The following POGK variants were observed in gnomAD, a reference collection of about 807,000 sequenced individuals.
POGK encodes pogo transposable element with KRAB domain.
A neutral mutation model predicts 54.4 loss-of-function variants in POGK; 16 were observed. The observed-to-expected ratio is 0.29, with a 90% CI of 0.20 to 0.45. The LOEUF (loss-of-function observed/expected upper bound fraction) is 0.45, where lower values mean the gene tolerates loss of function less well. Among genes scored for constraint, POGK ranks in the 20% least tolerant of loss-of-function variants. The probability of loss-of-function intolerance (pLI) is 1.00; values close to 1 mark genes in which losing one functional copy is unlikely to be tolerated. For synonymous variants in POGK, 271 were observed against 302.2 expected (o/e 0.90, Z 1.07); for missense variants, 515 against 795.6 (o/e 0.65, Z 4.24).
Position 166,855,473 on chromosome 1 carries a change from G to A in POGK, c.*2903G>A, listed in dbSNP as rs941306442. On this transcript the variant is annotated 3_prime_UTR_variant, in exon 6 of 6. Transcript: ENST00000367876. ...GGTGGACAGAGTTCAGATGTTTCAG[G>A]GGCTCTTGTGAAAATGCTAAGTATT... 3.9e-5 allele frequency: 6 copies of A among 152,134 alleles called. No individual in the cohort carries two copies. Among genetic ancestry groups the A allele is most frequent in the African/African-American group, 1.2e-4 (5 of 41,414 alleles). The allele number at this position is 152,134 out of a possible 1,614,324, so 9.4% of individuals were successfully genotyped here.
chr1:166,848,781 T>C (rs981794741), intron 4 of POGK, among the ~76,000 whole-genome samples, 157 bp from the exon 5 acceptor site: 2 of 152,190 alleles, frequency 1.3e-5, no homozygotes, highest in Non-Finnish European at 2.9e-5. Context: ...TAAATTGGCA[T>C]ATGGAAAAGG....
chr1:166,840,997 A>G lies in POGK; in HGVS notation c.41A>G (p.Glu14Gly), dbSNP rs1211366303. The change falls in exon 2 of 6, where the codon GAA becomes GGA. Residue 14 changes from glutamate (E) to glycine (G), a missense_variant. Coordinates refer to ENST00000367876, the MANE Select transcript of POGK (RefSeq NM_017542.5). ...TAYPLNLSLKEEEEEEEIQSR... is the reference protein window; with the variant it reads ...TAYPLNLSLKGEEEEEEIQSR... ...TACCCTCTCAATTTGAGCCTGAAAG[A>G]AGAGGAAGAGGAAGAAGAGATTCAG... 1 of 1,614,044 alleles carries G rather than the reference A, an allele frequency of 6.2e-7. No individual in the cohort carries two copies. Among genetic ancestry groups the G allele is most frequent in the Non-Finnish European group, 8.5e-7 (1 of 1,179,950 alleles).
chr1:166,850,007 T>C lies in POGK; in HGVS notation c.1428T>C (p.His476=), dbSNP rs1380986559. 1 of 1,614,162 alleles carries C rather than the reference T, an allele frequency of 6.2e-7. No homozygotes were observed. Among genetic ancestry groups the C allele is most frequent in the South Asian group, 1.1e-5 (1 of 91,086 alleles). Residue 476 remains histidine (H), a synonymous_variant, in exon 5 of 6, where the codon CAT becomes CAC. Transcript: ENST00000367876. ...TGATCTTGAATGGCTTCCGGGGCCA[T>C]GCCACAGATTCCGTGAAGAACTCCA... is the stretch of plus-strand genomic sequence containing the variant. ...GMLILNGFRG[H]ATDSVKNSME...
At position 166,850,638 on chromosome 1, in the gene POGK, A is replaced by T. The variant is rs1027651156; in HGVS notation, c.*14+215A>T. 31 of 502,012 alleles carry T rather than the reference A, an allele frequency of 6.2e-5. No individual in the cohort carries two copies. The East Asian group carries it at 9.6e-4, about 16-fold the overall frequency. The allele number at this position is 502,012 out of a possible 1,614,324, so 31.1% of individuals were successfully genotyped here. A position where few individuals can be genotyped will look rare whatever the true frequency, so the allele number is the denominator to read the frequency against. On this transcript the variant is annotated intron_variant, in intron 5 of 5. Transcript: ENST00000367876. ...GCAGGAGGTGAGCGGCAGGTGAGCAAGCATTACCACCTGAGCTCCGCCCGC... is the reference window on the plus strand; with the variant it reads ...GCAGGAGGTGAGCGGCAGGTGAGCATGCATTACCACCTGAGCTCCGCCCGC...
intron 1 of POGK, 39 bp from the exon 2 acceptor site, chr1:166,840,916 G>A: frequency 6.2e-7 from 1 of 1,611,474 alleles, no homozygotes; most frequent in Non-Finnish European, 8.5e-7. Flanking sequence ...GGAGGTCACA[G>A]TGACACCTGG....
At position 166,846,697 on chromosome 1, in the gene POGK, G is replaced by T; in HGVS notation, c.218G>T (p.Arg73Leu). 6.2e-7 allele frequency: 1 copy of T among 1,614,152 alleles called. No individual in the cohort carries two copies. Among genetic ancestry groups the T allele is most frequent in the Non-Finnish European group, 8.5e-7 (1 of 1,180,020 alleles). Residue 73 changes from arginine to leucine, a missense_variant, in exon 3 of 6, where the codon CGG becomes CTG. This residue lies in a region of POGK where 461 missense variants were observed against 743.5 expected (regional missense o/e 0.62). Coordinates refer to ENST00000367876, the MANE Select transcript of POGK (RefSeq NM_017542.5). Reference protein sequence around the residue: ...VLTEQQKALYREVMRMNYETV... With the variant: ...VLTEQQKALYLEVMRMNYETV... ...ACGGAGCAACAAAAGGCCCTCTACC[G>T]GGAAGTCATGAGGATGAATTATGAA...
chr1:166,845,533 G>A (rs969656731), intron 2 of POGK, among the ~76,000 whole-genome samples: 2 of 152,138 alleles, frequency 1.3e-5, no homozygotes, highest in Admixed American at 1.3e-4. Flanking sequence ...ATGTATGTAA[G>A]TGACTGTTGG....
rs1380619593 is a variant in POGK, at chr1:166,853,142, G to C, written c.*572G>C. The C allele has an allele frequency of 6.6e-6, 1 of 152,646 alleles. No individual in the cohort carries two copies. Among genetic ancestry groups the C allele is most frequent in the African/African-American group, 2.4e-5 (1 of 41,456 alleles). 9.5% of individuals were successfully genotyped at this position (152,646 alleles called of 1,614,324 possible). A position where few individuals can be genotyped will look rare whatever the true frequency, so the allele number is the denominator to read the frequency against. On this transcript the variant is annotated 3_prime_UTR_variant, in exon 6 of 6. Transcript: ENST00000367876. ...CACATTTCCTCTTTTGGAAAAATGA[G>C]ATACTTAGAATAACAAGAAAATTAA...
chr1:166,840,467 AC>A (rs1279251191), intron 1 of POGK: 4 of 153,358 alleles, frequency 2.6e-5, no homozygotes, highest in African/African-American at 9.6e-5. Flanking sequence ...TACTGAGCCA[AC>A]CGCTCCGCCC....
At chr1:166,848,496 T>C (rs1176879743) in intron 4 of POGK, among the ~76,000 whole-genome samples, 1 of 152,254 alleles carries the variant, frequency 6.6e-6, no homozygotes, top group African/African-American at 2.4e-5. Context: ...TAAAGGGATA[T>C]GATTCAGGCC....
Position 166,850,268 on chromosome 1 carries a change from C to T in POGK, c.1689C>T (p.Ile563=), listed in dbSNP as rs752062847. The T allele has an allele frequency of 3.6e-5, 56 of 1,573,948 alleles. No individual in the cohort carries two copies. Among genetic ancestry groups the T allele is most frequent in the South Asian group, 4.6e-5 (4 of 86,328 alleles). The change falls in exon 5 of 6, where the codon ATC becomes ATT. Residue 563 remains isoleucine, a synonymous_variant. Transcript: ENST00000367876. ...VAWNSISSES[I]VQGFKKCHIS... ...GGAATAGCATCTCAAGTGAGTCCAT[C>T]GTCCAAGGGTTCAAGAAGTGCCATA...
chr1:166,846,949 C>G (rs550204892), intron 3 of POGK, among the ~76,000 whole-genome samples: 2 of 152,270 alleles, frequency 1.3e-5, no homozygotes, highest in South Asian at 2.1e-4. Flanking sequence ...CAGAACTGCC[C>G]CCATTCAACC....
chr1:166,848,744 A>G (rs974563963), intron 4 of POGK, among the ~76,000 whole-genome samples, 194 bp from the exon 5 acceptor site: 3 of 152,180 alleles, frequency 2.0e-5, no homozygotes, highest in African/African-American at 7.2e-5. Context: ...TTACTCTATT[A>G]AGAGAACTAG....
intron 2 of POGK, 141 bp from the exon 3 acceptor site, chr1:166,846,471 C>T (rs1657852389): frequency 9.2e-7 from 1 of 1,081,338 alleles, no homozygotes; most frequent in Admixed American, 2.1e-5. Context: ...TGTGGACAGT[C>T]CGTTTTCCCC....
intron 4 of POGK, among the ~76,000 whole-genome samples, chr1:166,847,909 G>A (rs550145530): frequency 1.4e-4 from 21 of 152,258 alleles, no homozygotes; most frequent in East Asian, 1.2e-3. Context: ...CCTCAGTGGC[G>A]TACCATGTGC....
In POGK at chr1:166,849,085, C is replaced by G. The variant is rs553788517; in HGVS notation, c.506C>G (p.Pro169Arg). ...CTGCCCGAGTGGAGTGAGGGGTACC[C>G]CTTCTACATGGCCATGGGCTTCCCA... ...TELPEWSEGY[P>R]FYMAMGFPGY... The change falls in exon 5 of 6, where the codon CCC becomes CGC. Residue 169 changes from proline to arginine, a missense_variant. Around this residue, in one of 2 missense-constraint regions of POGK, gnomAD observed 461 missense variants for 743.5 expected, o/e 0.62. Transcript: ENST00000367876. 6.2e-7 allele frequency: 1 copy of G among 1,614,130 alleles called. No individual in the cohort carries two copies. The highest frequency in any genetic ancestry group is 8.5e-7 in the Non-Finnish European group (1 of 1,180,038).
At position 166,849,057 on chromosome 1, in the gene POGK, G is replaced by A; in HGVS notation, c.478G>A (p.Glu160Lys). ...CCTCCGTCTGCCTCGGGATATCACA[G>A]AGCTGCCCGAGTGGAGTGAGGGGTA... ...FGLRLPRDITELPEWSEGYPF... is the reference protein window; with the variant it reads ...FGLRLPRDITKLPEWSEGYPF... Residue 160 changes from glutamate to lysine, a missense_variant, in exon 5 of 6, where the codon GAG (glutamate) becomes AAG (lysine). Coordinates refer to ENST00000367876, the MANE Select transcript of POGK (RefSeq NM_017542.5). The A allele has an allele frequency of 6.2e-7, 1 of 1,614,158 alleles. No individual in the cohort carries two copies.
chr1:166,851,592 C>G (rs1244689315), intron 5 of POGK: 2 of 152,170 alleles, frequency 1.3e-5, no homozygotes, highest in African/African-American at 4.8e-5. Context: ...ACTGAGACAA[C>G]ACTAGTGAAA....
At position 166,854,849 on chromosome 1, in the gene POGK, A is replaced by C. The variant is rs1021570592; in HGVS notation, c.*2279A>C. On this transcript the variant is annotated 3_prime_UTR_variant, in exon 6 of 6. Transcript: ENST00000367876. ...AGTCCTGACAATTTACAGTGCCCATAAAGTAGTAGTTGATTCTCCAGGAAT... is the reference window on the plus strand; with the variant it reads ...AGTCCTGACAATTTACAGTGCCCATCAAGTAGTAGTTGATTCTCCAGGAAT... 6.6e-6 allele frequency: 1 copy of C among 151,956 alleles called. No individual in the cohort carries two copies. Among genetic ancestry groups the C allele is most frequent in the Non-Finnish European group, 1.5e-5 (1 of 68,030 alleles). 9.4% of individuals were successfully genotyped at this position (151,956 alleles called of 1,614,324 possible).
Sources: allele counts gnomAD v4.1 joint callset (sites outside exome capture counted in the v4.1 genomes callset), GRCh38; gene constraint gnomAD v4.1.1; regional missense constraint gnomAD v4.1.1; transcripts MANE v1.5; gene names NCBI Gene and HGNC (gene_info 2026-07-23, HGNC 2026-07-21).